The following DCLK1 variants were observed in gnomAD, a reference collection of about 807,000 sequenced individuals.
DCLK1 encodes serine/threonine-protein kinase DCLK1.
A neutral mutation model predicts 86.2 loss-of-function variants in DCLK1; 16 were observed. The ratio of observed to expected loss-of-function variants is 0.19; its 90% CI spans 0.13 to 0.28. The LOEUF is 0.28. DCLK1 is among the 10% of genes least tolerant of loss of function. The pLI is 1.00. For missense variants in DCLK1, 590 were observed against 940.2 expected (o/e 0.63, Z 4.87); for synonymous variants, 369 against 370.5 (o/e 1.00, Z 0.05).
chr13:36,072,367 A>G (rs1449819485), intron 3 of DCLK1, among the ~76,000 whole-genome samples: 1 of 151,994 alleles, frequency 6.6e-6, no homozygotes, highest in East Asian at 1.9e-4. Context: ...TCTTTTTCCC[A>G]TCTCTTAATT....
chr13:36,052,184 C>CAA (rs1883145692), intron 3 of DCLK1, among the ~76,000 whole-genome samples: 2 of 152,120 alleles, frequency 1.3e-5, no homozygotes, highest in Admixed American at 6.6e-5. Flanking sequence ...CATCACTGAG[C>CAA]TTATATGGTG....
At chr13:35,968,683 G>A (rs1369770027) in intron 3 of DCLK1, among the ~76,000 whole-genome samples, 2 of 152,018 alleles carry the variant, frequency 1.3e-5, no homozygotes, top group Non-Finnish European at 2.9e-5. Flanking sequence ...GGAGGGCTGC[G>A]AGATTGGGTA....
rs1467756605 is a variant in DCLK1, at chr13:36,045,330, GTGTATATATA to G, written c.723+66529_723+66538del. On this transcript the variant is annotated intron_variant, in intron 3 of 16. Coordinates refer to ENST00000360631, the MANE Select transcript of DCLK1 (RefSeq NM_001330071.2). ...TATATGTCTATATATGTGTGTGTGT[GTGTATATATA>G]TATATATATATATATATATATATAT... Among the ~76,000 whole-genome samples the G allele has an allele frequency of 3.8e-3, 215 of 56,574 alleles. 1 individual carries two copies. Among genetic ancestry groups the G allele is most frequent in the East Asian group, 0.026 (29 of 1,098 alleles). 37.1% of individuals were successfully genotyped at this position (56,574 alleles called of 152,430 possible).
intron 3 of DCLK1, among the ~76,000 whole-genome samples, chr13:36,013,349 C>A (rs1305260997): frequency 6.6e-6 from 1 of 151,050 alleles, no homozygotes; most frequent in African/African-American, 2.4e-5. Flanking sequence ...TTTTCCCCAT[C>A]TTTGTGGTTT....
intron 4 of DCLK1, among the ~76,000 whole-genome samples, chr13:35,899,725 A>G (rs1272107097): frequency 1.3e-5 from 2 of 152,218 alleles, no homozygotes; most frequent in Non-Finnish European, 1.5e-5. Flanking sequence ...TCATTGGCCC[A>G]TAACTTACAA....
intron 4 of DCLK1, among the ~76,000 whole-genome samples, chr13:35,890,419 C>A (rs1248256341): frequency 6.6e-6 from 1 of 152,024 alleles, no homozygotes; most frequent in Non-Finnish European, 1.5e-5. Context: ...TTTAGGTTGG[C>A]CTAATTCTTA....
chr13:35,846,178 A>G (rs1415368024), intron 6 of DCLK1: 2 of 985,286 alleles, frequency 2.0e-6, no homozygotes, highest in African/African-American at 3.5e-5. Flanking sequence ...TTTAAAGAGA[A>G]TACACATCCA....
At chr13:35,831,479 C>T (rs1868956926) in intron 8 of DCLK1, among the ~76,000 whole-genome samples, 1 of 152,100 alleles carries the variant, frequency 6.6e-6, no homozygotes, top group African/African-American at 2.4e-5. Context: ...AATTCGCCTT[C>T]CTGCATACCT....
chr13:35,939,360 C>T (rs1443652418), intron 4 of DCLK1, among the ~76,000 whole-genome samples: 2 of 152,162 alleles, frequency 1.3e-5, no homozygotes, highest in African/African-American at 4.8e-5. Flanking sequence ...GCCACAAAAA[C>T]TTAGAATTAT....
At chr13:35,955,456 C>A (rs1483787260) in intron 3 of DCLK1, among the ~76,000 whole-genome samples, 1 of 152,064 alleles carries the variant, frequency 6.6e-6, no homozygotes, top group Non-Finnish European at 1.5e-5. Flanking sequence ...AGCCCTGATT[C>A]TATTCATGAG....
intron 4 of DCLK1, among the ~76,000 whole-genome samples, chr13:35,917,293 AT>A (rs1298399395): frequency 2.1e-4 from 32 of 152,360 alleles, no homozygotes; most frequent in Admixed American, 3.3e-4. Flanking sequence ...TGAATCTACA[AT>A]TGGAGAGGAA....
chr13:35,820,554 A>G (rs1166021164), intron 11 of DCLK1, among the ~76,000 whole-genome samples: 1 of 152,242 alleles, frequency 6.6e-6, no homozygotes. Flanking sequence ...AGCGAGGAGT[A>G]AGTGAACAAT....
intron 3 of DCLK1, among the ~76,000 whole-genome samples, chr13:36,072,762 G>T (rs1226207595): frequency 6.6e-6 from 1 of 152,166 alleles, no homozygotes; most frequent in Non-Finnish European, 1.5e-5. Context: ...GCAACCAGCA[G>T]CCCTACCTTG....
intron 3 of DCLK1, among the ~76,000 whole-genome samples, chr13:36,103,321 G>T (rs1885284518): frequency 6.6e-6 from 1 of 150,466 alleles, no homozygotes; most frequent in African/African-American, 2.4e-5. Flanking sequence ...GAAATCACTT[G>T]AGCCTGGGAG....
intron 8 of DCLK1, among the ~76,000 whole-genome samples, chr13:35,829,047 C>T (rs1174504949): frequency 1.3e-5 from 2 of 152,124 alleles, no homozygotes; most frequent in African/African-American, 2.4e-5. Context: ...TGGGCTGTCT[C>T]ATTTCTTTGA....
chr13:35,878,440 G>C (rs1189064826), intron 4 of DCLK1, among the ~76,000 whole-genome samples: 1 of 151,892 alleles, frequency 6.6e-6, no homozygotes, highest in African/African-American at 2.4e-5. Flanking sequence ...GCTTCCCCAA[G>C]CTCCACACGC....
intron 3 of DCLK1, among the ~76,000 whole-genome samples, chr13:35,962,366 A>G (rs140640914): frequency 5.3e-4 from 81 of 152,270 alleles, no homozygotes; most frequent in African/African-American, 1.9e-3. Flanking sequence ...CGTGAATATA[A>G]AGGCAGAGGT....
At chr13:35,781,004 A>G (rs1201463731) in intron 16 of DCLK1, among the ~76,000 whole-genome samples, 1 of 152,252 alleles carries the variant, frequency 6.6e-6, no homozygotes, top group Non-Finnish European at 1.5e-5. Context: ...TATCCTCCAC[A>G]TGTGCTCAGA....
chr13:36,131,444 C>T (rs1231903626), upstream of DCLK1: 5 of 162,970 alleles, frequency 3.1e-5, no homozygotes, highest in South Asian at 1.4e-4. Flanking sequence ...CTCCCGTCTC[C>T]CTCCTCCTCC....
Sources: gnomAD v4.1 joint callset for allele counts (sites outside exome capture counted in the v4.1 genomes callset) on GRCh38, gnomAD v4.1.1 for gene constraint, MANE v1.5 for transcripts, NCBI Gene and HGNC (gene_info 2026-07-23, HGNC 2026-07-21) for gene names.